Variants in CAMKMT observed in about 807,000 individuals in gnomAD.
CAMKMT encodes calmodulin-lysine N-methyltransferase, also known as CaM KMT.
A neutral mutation model predicts 48.0 loss-of-function variants in CAMKMT; 53 were observed. The ratio of observed to expected loss-of-function variants is 1.10; its 90% CI spans 0.89 to 1.39. The LOEUF (loss-of-function observed/expected upper bound fraction) is 1.39. CAMKMT is among the 40% of genes most tolerant of loss of function. The probability of loss-of-function intolerance (pLI) is 0.00; values close to 1 mark genes in which losing one functional copy is unlikely to be tolerated. For missense variants in CAMKMT, 428 were observed against 402.7 expected, an observed-to-expected ratio of 1.06 and a Z score of -0.54; for synonymous variants, 165 against 152.3, an observed-to-expected ratio of 1.08 and a Z score of -0.61.
In CAMKMT at chr2:44,653,308, A is replaced by G. The variant is rs907237052; in HGVS notation, c.377-50975A>G. On this transcript the variant is annotated intron_variant, in intron 3 of 10. Coordinates refer to ENST00000378494, the MANE Select transcript of CAMKMT (RefSeq NM_024766.5). This position sits in a 1 kb window ranked among gnomAD's most constrained non-coding sequence, Gnocchi z 5.2. ...AAGTGTTGTTGGCTAAGTACTATTC[A>G]TTGTCATTTCAACCAGATAAGTAAT... 1.3e-5 allele frequency among the ~76,000 whole-genome samples: 2 copies of G among 152,202 alleles called. No individual in the cohort carries two copies. The highest frequency in any genetic ancestry group is 4.8e-5 in the African/African-American group (2 of 41,452).
intron 3 of CAMKMT, among the ~76,000 whole-genome samples, chr2:44,460,476 C>T (rs1667790370): frequency 6.6e-6 from 1 of 152,060 alleles, no homozygotes; most frequent in Admixed American, 6.5e-5. Context: ...TATACTTTTA[C>T]TTGAGGATAT....
chr2:44,372,706 T>C lies in CAMKMT; in HGVS notation c.139-10T>C, dbSNP rs1679301209. On this transcript the variant is annotated splice_polypyrimidine_tract_variant and intron_variant, in intron 1 of 10. Transcript: ENST00000378494. ...ATAACATGACTGCAATATTTGGCTT[T>C]ATTTCAAAGGTTCTGAAGCAAAAAC... 3 of 1,606,174 alleles carry C rather than the reference T, an allele frequency of 1.9e-6. No individual in the cohort carries two copies. Among genetic ancestry groups the C allele is most frequent in the Non-Finnish European group, 2.5e-6 (3 of 1,177,428 alleles).
chr2:44,573,832 T>G (rs1572832452), intron 3 of CAMKMT, among the ~76,000 whole-genome samples: 2 of 152,212 alleles, frequency 1.3e-5, no homozygotes, highest in African/African-American at 4.8e-5. Flanking sequence ...TCTTCACTGT[T>G]CTGAAATACA....
chr2:44,625,826 C>G (rs777823575), intron 3 of CAMKMT, among the ~76,000 whole-genome samples: 1 of 152,086 alleles, frequency 6.6e-6, no homozygotes, highest in African/African-American at 2.4e-5. Flanking sequence ...ATGTAAATGT[C>G]CAGATCTCTT....
Position 44,448,159 on chromosome 2 carries a change from C to G in CAMKMT, c.376+57854C>G, listed in dbSNP as rs185662130. Among the ~76,000 whole-genome samples the G allele has an allele frequency of 3.3e-5, 5 of 152,266 alleles. No homozygotes were observed. In the East Asian group the frequency reaches 9.6e-4, roughly 29 times the overall value. ...TTCTATACCAAAATCCACACACAGT[C>G]ACATCTGAAAGTTGACCCTGCAGAA... On this transcript the variant is annotated intron_variant, in intron 3 of 10. Transcript: ENST00000378494.
chr2:44,672,656 C>A (rs1393217988), intron 3 of CAMKMT, among the ~76,000 whole-genome samples: 1 of 152,166 alleles, frequency 6.6e-6, no homozygotes, highest in African/African-American at 2.4e-5. Flanking sequence ...TTTGTGTCTG[C>A]TTCCCAGTTT....
chr2:44,470,034 C>T (rs776802457), intron 3 of CAMKMT, among the ~76,000 whole-genome samples: 1 of 151,908 alleles, frequency 6.6e-6, no homozygotes, highest in Non-Finnish European at 1.5e-5. Flanking sequence ...TTTTCTGTAT[C>T]TATCCATAGA....
chr2:44,635,596 C>T (rs10192334), intron 3 of CAMKMT, among the ~76,000 whole-genome samples: 95,829 of 152,042 alleles, frequency 0.63, 30,736 homozygotes, highest in Middle Eastern at 0.7. Flanking sequence ...GCATTCAAGC[C>T]TCTTTTGCAG....
chr2:44,696,465 TAAG>T (rs1403908614), intron 3 of CAMKMT, among the ~76,000 whole-genome samples: 1 of 152,194 alleles, frequency 6.6e-6, no homozygotes, highest in Non-Finnish European at 1.5e-5. Context: ...GAAAGTTGTT[TAAG>T]AAGTAGTTAT....
intron 7 of CAMKMT, among the ~76,000 whole-genome samples, chr2:44,735,692 A>T (rs1679316589): frequency 6.6e-6 from 1 of 151,952 alleles, no homozygotes; most frequent in Non-Finnish European, 1.5e-5. Context: ...ACTTAAGGCC[A>T]AGAGTTTGAA....
At chr2:44,704,392 T>C in intron 4 of CAMKMT, 49 bp downstream of exon 4, 1 of 1,249,954 alleles carries the variant, frequency 8.0e-7, no homozygotes, top group South Asian at 1.6e-5. Context: ...GGATATTGAA[T>C]CAACATATTA....
intron 3 of CAMKMT, among the ~76,000 whole-genome samples, chr2:44,644,508 A>G (rs1009798691): frequency 6.6e-6 from 1 of 152,244 alleles, no homozygotes; most frequent in Non-Finnish European, 1.5e-5. Flanking sequence ...ATCAACTCCA[A>G]AGAGTCAAAA....
At chr2:44,743,365 T>C (rs1679785380) in intron 7 of CAMKMT, among the ~76,000 whole-genome samples, 1 of 152,226 alleles carries the variant, frequency 6.6e-6, no homozygotes, top group Admixed American at 6.5e-5. Context: ...TATTTTTCTC[T>C]AGTTTGTCTA....
chr2:44,485,979 TTTTGAGATGGAGTC>T (rs1479535186), intron 3 of CAMKMT, among the ~76,000 whole-genome samples: 2 of 152,050 alleles, frequency 1.3e-5, no homozygotes, highest in African/African-American at 4.8e-5. Flanking sequence ...TATTTTTATT[TTTTGAGATGGAGTC>T]TCACTCTGTC....
chr2:44,503,724 G>C (rs698830), intron 3 of CAMKMT, among the ~76,000 whole-genome samples: 108,251 of 151,982 alleles, frequency 0.71, 38,712 homozygotes, highest in Admixed American at 0.78. Flanking sequence ...TTTCAAGCAC[G>C]CTGTTCTTAG....
intron 2 of CAMKMT, among the ~76,000 whole-genome samples, chr2:44,383,655 A>G (rs910496659): frequency 1.3e-5 from 2 of 152,092 alleles, no homozygotes; most frequent in African/African-American, 4.8e-5. Flanking sequence ...GCAAGTCCCC[A>G]AAGTCCATTG....
rs1463753929 is a variant in CAMKMT, at chr2:44,362,129, G to A, written c.122G>A (p.Trp41Ter). The A allele has an allele frequency of 6.8e-7, 1 of 1,477,424 alleles. No homozygotes were observed. Among genetic ancestry groups the A allele is most frequent in the East Asian group, 2.9e-5 (1 of 34,758 alleles). 91.5% of individuals were successfully genotyped at this position (1,477,424 alleles called of 1,614,324 possible). The change falls in exon 1 of 11, where the codon TGG becomes TAG. Residue 41 changes from tryptophan to a stop codon, truncating the protein, a stop_gained. Transcript: ENST00000378494. LOFTEE classifies it high-confidence loss of function. The part of the protein sequence containing the change: ...VVSAPLGAAR[W>*]KLLRQVLKQK... ...TCGGCGCCCCTGGGAGCCGCCCGGT[G>A]GAAGCTCCTGCGGCAGGTAAGGGAG...
chr2:44,747,167 C>A (rs1286317990), intron 8 of CAMKMT, among the ~76,000 whole-genome samples: 1 of 152,178 alleles, frequency 6.6e-6, no homozygotes, highest in African/African-American at 2.4e-5. Context: ...TAGCAACCCA[C>A]CCCGATTGCT....
At chr2:44,502,055 A>T (rs1670033947) in intron 3 of CAMKMT, among the ~76,000 whole-genome samples, 1 of 152,066 alleles carries the variant, frequency 6.6e-6, no homozygotes, top group Non-Finnish European at 1.5e-5. Flanking sequence ...ACTTGTCTCT[A>T]CAAAAAATAC....
Sources: allele counts gnomAD v4.1 joint callset (sites outside exome capture counted in the v4.1 genomes callset), GRCh38; gene constraint gnomAD v4.1.1; non-coding constraint Gnocchi (gnomAD v3.1); transcripts MANE v1.5; gene names NCBI Gene and HGNC (gene_info 2026-07-23, HGNC 2026-07-21).